EAF2: variants seen among roughly 807,000 people sequenced by gnomAD.
EAF2 encodes the protein ELL associated factor 2, also known as ELL-associated factor 2.
Under a neutral mutation model 29.4 loss-of-function variants are expected in EAF2, and 29 were observed. The ratio of observed to expected loss-of-function variants is 0.99; its 90% confidence interval spans 0.73 to 1.35. The LOEUF (loss-of-function observed/expected upper bound fraction) is 1.35, where lower values mean the gene tolerates loss of function less well. Among genes scored for constraint, EAF2 ranks in the 40% most tolerant of loss-of-function variants. The pLI is 0.00. For synonymous variants in EAF2, 103 were observed against 102.5 expected, an observed-to-expected ratio of 1.00 and a Z score of -0.03; for missense variants, 292 against 312.0, an observed-to-expected ratio of 0.94 and a Z score of 0.48.
At chr3:121,855,363 T>C (rs1017655851) in intron 3 of EAF2, among the ~76,000 whole-genome samples, 1 of 152,116 alleles carries the variant, frequency 6.6e-6, no homozygotes, top group Non-Finnish European at 1.5e-5. Context: ...GCCATGCAAA[T>C]AGTATAGACA....
intron 1 of EAF2, among the ~76,000 whole-genome samples, chr3:121,842,551 G>A (rs1708455674): frequency 6.6e-6 from 1 of 152,056 alleles, no homozygotes; most frequent in African/African-American, 2.4e-5. Context: ...TGTAAGATGG[G>A]GTATTCACTA....
chr3:121,840,484 C>T (rs1708392699), intron 1 of EAF2, among the ~76,000 whole-genome samples: 1 of 58,930 alleles, frequency 1.7e-5, no homozygotes, highest in Non-Finnish European at 2.9e-5. Context: ...AGGGAGACTT[C>T]GTCTAAAAAA....
At chr3:121,879,758 C>A (rs1709161469) in intron 5 of EAF2, among the ~76,000 whole-genome samples, 1 of 151,840 alleles carries the variant, frequency 6.6e-6, no homozygotes, top group Non-Finnish European at 1.5e-5. Flanking sequence ...GTTCTCTATT[C>A]TGTTCCATTG....
intron 2 of EAF2, among the ~76,000 whole-genome samples, chr3:121,851,598 G>T (rs1187888819): frequency 6.6e-6 from 1 of 152,192 alleles, no homozygotes; most frequent in Non-Finnish European, 1.5e-5. Context: ...AATTAAGAAA[G>T]TTGGAGAGTA....
At chr3:121,857,928 T>C (rs1708751628) in intron 4 of EAF2, among the ~76,000 whole-genome samples, 1 of 152,246 alleles carries the variant, frequency 6.6e-6, no homozygotes, top group Admixed American at 6.5e-5. Context: ...TGTTTGGTTT[T>C]CTGTCCTTGC....
chr3:121,835,569 G>A (rs1708255703), intron 1 of EAF2, among the ~76,000 whole-genome samples, 178 bp downstream of exon 1: 1 of 152,212 alleles, frequency 6.6e-6, no homozygotes, highest in Non-Finnish European at 1.5e-5. Context: ...GTCGGTGGAA[G>A]GAATCGGAGT....
chr3:121,847,487 C>CAT (rs1448761633), intron 2 of EAF2, among the ~76,000 whole-genome samples: 2 of 152,084 alleles, frequency 1.3e-5, no homozygotes, highest in Non-Finnish European at 2.9e-5. Context: ...TATGTAGTTA[C>CAT]ATATGTAGGC....
chr3:121,859,875 G>C (rs1008241042), intron 4 of EAF2, among the ~76,000 whole-genome samples: 1 of 152,144 alleles, frequency 6.6e-6, no homozygotes, highest in South Asian at 2.1e-4. Context: ...AGAGTTTTTA[G>C]CATGAAGGGC....
At chr3:121,864,535 G>T (rs772180362) in intron 4 of EAF2, among the ~76,000 whole-genome samples, 2 of 152,158 alleles carry the variant, frequency 1.3e-5, no homozygotes, top group Non-Finnish European at 2.9e-5. Context: ...ACATTAAATT[G>T]CTGGGTATGG....
intron 4 of EAF2, among the ~76,000 whole-genome samples, chr3:121,858,433 T>C (rs990151211): frequency 6.6e-6 from 1 of 152,240 alleles, no homozygotes; most frequent in African/African-American, 2.4e-5. Context: ...TGATGAGCAT[T>C]TTTTCATGTG....
At chr3:121,864,974 C>T (rs1257167334) in intron 4 of EAF2, among the ~76,000 whole-genome samples, 1 of 152,122 alleles carries the variant, frequency 6.6e-6, no homozygotes, top group Non-Finnish European at 1.5e-5. Context: ...TCATATGGAA[C>T]CTTTTTCTAG....
At chr3:121,870,990 A>T (rs1056218942) in intron 4 of EAF2, among the ~76,000 whole-genome samples, 25 of 152,070 alleles carry the variant, frequency 1.6e-4, no homozygotes, top group African/African-American at 6.0e-4. Flanking sequence ...TTTTAATGAA[A>T]TTAAACCTAT....
intron 3 of EAF2, among the ~76,000 whole-genome samples, chr3:121,856,459 A>G (rs1341951170): frequency 6.6e-6 from 1 of 151,958 alleles, no homozygotes; most frequent in East Asian, 1.9e-4. Flanking sequence ...GATTATAGGC[A>G]TGAGCCACTG....
intron 2 of EAF2, among the ~76,000 whole-genome samples, chr3:121,845,181 T>G (rs951119802): frequency 2.0e-5 from 3 of 152,118 alleles, no homozygotes; most frequent in African/African-American, 7.2e-5. Context: ...GGCTCACCCC[T>G]GTAATCCCAG....
intron 1 of EAF2, among the ~76,000 whole-genome samples, chr3:121,840,590 G>A (rs1298922282): frequency 6.6e-6 from 1 of 150,658 alleles, no homozygotes; most frequent in Non-Finnish European, 1.5e-5. Flanking sequence ...CAGATCATGA[G>A]GTCAGGAGAT....
At chr3:121,868,233 T>G (rs140478405) in intron 4 of EAF2, among the ~76,000 whole-genome samples, 3 of 152,046 alleles carry the variant, frequency 2.0e-5, no homozygotes, top group Admixed American at 1.3e-4. Context: ...GAATAGAAAA[T>G]ATATACCATT....
intron 3 of EAF2, among the ~76,000 whole-genome samples, chr3:121,856,536 C>T (rs1322682768): frequency 3.3e-5 from 5 of 152,144 alleles, no homozygotes; most frequent in Non-Finnish European, 7.4e-5. Context: ...GGCTGGAGTG[C>T]AGTGGCGCAA....
chr3:121,848,212 G>A (rs2107507116), intron 2 of EAF2, among the ~76,000 whole-genome samples: 1 of 152,262 alleles, frequency 6.6e-6, no homozygotes, highest in East Asian at 1.9e-4. Context: ...TGTATGTCAG[G>A]ACTTGTTCAT....
At chr3:121,840,954 G>A (rs1708410305) in intron 1 of EAF2, among the ~76,000 whole-genome samples, 3 of 152,128 alleles carry the variant, frequency 2.0e-5, no homozygotes, top group African/African-American at 7.2e-5. Context: ...TAGCTTCAGA[G>A]AAGAGGGAAC....
Sources: gnomAD v4.1 joint callset for allele counts (sites outside exome capture counted in the v4.1 genomes callset) on GRCh38, gnomAD v4.1.1 for gene constraint, MANE v1.5 for transcripts, NCBI Gene and HGNC (gene_info 2026-07-23, HGNC 2026-07-21) for gene names.